The following HECW1 variants were observed in gnomAD, a reference collection of about 807,000 sequenced individuals.
HECW1 encodes E3 ubiquitin-protein ligase HECW1.
HECW1 carries 61 observed loss-of-function variants against 182.3 expected under a neutral mutation model. The observed-to-expected ratio is 0.33, with a 90% CI of 0.27 to 0.41. The LOEUF (loss-of-function observed/expected upper bound fraction) is 0.41, where lower values mean the gene tolerates loss of function less well. HECW1 is among the 10% of genes least tolerant of loss of function. The pLI, the probability that HECW1 is intolerant of heterozygous loss-of-function variation, is 1.00. For synonymous variants in HECW1, 859 were observed against 832.6 expected (o/e 1.03, Z -0.55); for missense variants, 1,739 against 2,108.9 (o/e 0.82, Z 3.44).
intron 5 of HECW1, among the ~76,000 whole-genome samples, chr7:43,358,446 C>A (rs542876137): frequency 1.5e-4 from 23 of 152,094 alleles, no homozygotes; most frequent in South Asian, 1.0e-3. Flanking sequence ...AAAGAACTAT[C>A]GAGAAAGTGA....
intron 16 of HECW1, among the ~76,000 whole-genome samples, chr7:43,474,232 G>A (rs1009666962): frequency 3.3e-5 from 5 of 152,242 alleles, no homozygotes; most frequent in South Asian, 2.1e-4. Context: ...GGTGGATCAC[G>A]AGGTCAGCAG....
intron 2 of HECW1, among the ~76,000 whole-genome samples, chr7:43,162,200 C>G (rs529521942): frequency 1.3e-5 from 2 of 152,330 alleles, no homozygotes; most frequent in South Asian, 4.1e-4. Context: ...TTAGAACTTA[C>G]TTGTTAGTGG....
At chr7:43,298,201 C>T (rs961293856) in intron 3 of HECW1, among the ~76,000 whole-genome samples, 4 of 152,192 alleles carry the variant, frequency 2.6e-5, no homozygotes, top group African/African-American at 7.2e-5. Context: ...CCACTCTCTC[C>T]CTGCAGTGGT....
At chr7:43,278,532 T>A (rs1047734049) in intron 3 of HECW1, among the ~76,000 whole-genome samples, 1 of 152,120 alleles carries the variant, frequency 6.6e-6, no homozygotes, top group Non-Finnish European at 1.5e-5. Flanking sequence ...AACATGTCAC[T>A]TCCCTGTTCA....
chr7:43,304,420 C>CCA (rs1163911545), intron 3 of HECW1, among the ~76,000 whole-genome samples: 1 of 152,074 alleles, frequency 6.6e-6, no homozygotes, highest in Non-Finnish European at 1.5e-5. Flanking sequence ...GCACCCCAGC[C>CCA]CACACGTTAC....
intron 24 of HECW1, among the ~76,000 whole-genome samples, chr7:43,540,293 C>A (rs1414699152): frequency 2.0e-5 from 3 of 152,110 alleles, no homozygotes; most frequent in Admixed American, 6.5e-5. Context: ...AAGGTGAAAA[C>A]CTACTTAGAG....
intron 2 of HECW1, among the ~76,000 whole-genome samples, chr7:43,146,107 G>A (rs1204258815): frequency 6.6e-6 from 1 of 152,200 alleles, no homozygotes; most frequent in Non-Finnish European, 1.5e-5. Flanking sequence ...ACAGCAAAAT[G>A]TTTGCCTTTG....
At chr7:43,202,798 GA>G (rs756935175) in intron 2 of HECW1, among the ~76,000 whole-genome samples, 1 of 152,172 alleles carries the variant, frequency 6.6e-6, no homozygotes, top group Non-Finnish European at 1.5e-5. Flanking sequence ...GAAGAATCAC[GA>G]AAGAAGTGAA....
Position 43,193,798 on chromosome 7 carries a change from T to A in HECW1, c.-31-50077T>A, listed in dbSNP as rs1794169313. Reference sequence around the variant, plus strand: ...TGACCTTTTGCCTGATGGCTACAGGTTGACATTCCTGGGTGGCCTCTCCTG... The same window carrying A: ...TGACCTTTTGCCTGATGGCTACAGGATGACATTCCTGGGTGGCCTCTCCTG... On this transcript the variant is annotated intron_variant, in intron 2 of 29. Transcript: ENST00000395891. 2.6e-5 allele frequency among the ~76,000 whole-genome samples: 4 copies of A among 152,110 alleles called. No individual in the cohort carries two copies. In the South Asian group the frequency reaches 8.3e-4, roughly 32 times the overall value.
chr7:43,536,681 G>C (rs1209533542), intron 24 of HECW1, among the ~76,000 whole-genome samples: 1 of 152,140 alleles, frequency 6.6e-6, no homozygotes, highest in Non-Finnish European at 1.5e-5. Context: ...ATGGCCTAGG[G>C]AGCCAGGGTG....
chr7:43,558,694 C>A (rs1268277611), intron 29 of HECW1, among the ~76,000 whole-genome samples: 1 of 152,068 alleles, frequency 6.6e-6, no homozygotes, highest in African/African-American at 2.4e-5. Context: ...CTCTCTAGTA[C>A]CTAAGGCCAG....
intron 2 of HECW1, among the ~76,000 whole-genome samples, chr7:43,168,335 AAC>A (rs1791340259): frequency 1.3e-5 from 2 of 152,142 alleles, no homozygotes; most frequent in Admixed American, 1.3e-4. Context: ...GATACAGGTG[AAC>A]ACACAGAGAC....
At chr7:43,374,249 G>A (rs2074231025) in intron 6 of HECW1, among the ~76,000 whole-genome samples, 1 of 152,152 alleles carries the variant, frequency 6.6e-6, no homozygotes, top group Non-Finnish European at 1.5e-5. Flanking sequence ...TCAATGTAAA[G>A]AAATTCTAGA....
chr7:43,177,762 C>T (rs983629617), intron 2 of HECW1, among the ~76,000 whole-genome samples: 11 of 152,184 alleles, frequency 7.2e-5, no homozygotes, highest in Admixed American at 5.2e-4. Flanking sequence ...CTGGCACAAA[C>T]ACTCTGGCTG....
chr7:43,259,999 C>A (rs1390321607), intron 3 of HECW1, among the ~76,000 whole-genome samples: 1 of 152,066 alleles, frequency 6.6e-6, no homozygotes, highest in Non-Finnish European at 1.5e-5. Flanking sequence ...ACAAATAAAA[C>A]CACACCCAGG....
At chr7:43,256,587 C>T (rs989899888) in intron 3 of HECW1, among the ~76,000 whole-genome samples, 1 of 82,710 alleles carries the variant, frequency 1.2e-5, no homozygotes, top group Non-Finnish European at 2.4e-5. Flanking sequence ...CTAGCCTGGG[C>T]AAAAAGAGGG....
rs554599818 is a variant in HECW1 at position 43,201,336 on chromosome 7, C to T, written c.-31-42539C>T. Among the ~76,000 whole-genome samples the T allele has an allele frequency of 3.3e-5, 5 of 152,250 alleles. No individual in the cohort carries two copies. In the South Asian group the frequency reaches 6.2e-4, roughly 19 times the overall value. ...AGTCTTTCTTCTAGAGCTGAGGCTGCGGAAGTCCATGAGACTGTAGAGGCA... is the reference window on the plus strand; with the variant it reads ...AGTCTTTCTTCTAGAGCTGAGGCTGTGGAAGTCCATGAGACTGTAGAGGCA... On this transcript the variant is annotated intron_variant, in intron 2 of 29. Transcript: ENST00000395891.
intron 4 of HECW1, among the ~76,000 whole-genome samples, chr7:43,319,393 C>CAAGAAAAAAAAAA (rs1809758974): frequency 1.5e-5 from 1 of 67,698 alleles, no homozygotes; most frequent in African/African-American, 4.1e-5. Context: ...GACTCCGTCT[C>CAAGAAAAAAAAAA]AAAAAAAAAA....
chr7:43,257,275 A>T (rs1800678363), intron 3 of HECW1, among the ~76,000 whole-genome samples: 1 of 152,194 alleles, frequency 6.6e-6, no homozygotes, highest in Admixed American at 6.5e-5. Flanking sequence ...AATTGATCTG[A>T]TGTATTTGCT....
Sources: gnomAD v4.1 joint callset for allele counts (sites outside exome capture counted in the v4.1 genomes callset) on GRCh38, gnomAD v4.1.1 for gene constraint, MANE v1.5 for transcripts, NCBI Gene and HGNC (gene_info 2026-07-23, HGNC 2026-07-21) for gene names.